USP54: variants seen among roughly 807,000 people sequenced by gnomAD.
USP54 encodes the protein ubiquitin carboxyl-terminal hydrolase 54.
A neutral mutation model predicts 170.5 loss-of-function variants in USP54; 87 were observed. The observed-to-expected ratio is 0.51, with a 90% CI of 0.43 to 0.61. The LOEUF (loss-of-function observed/expected upper bound fraction) is 0.61, where lower values mean the gene tolerates loss of function less well. Among genes scored for constraint, USP54 ranks in the 20% least tolerant of loss-of-function variants. USP54 has a pLI of 0.00. For missense variants in USP54, 1,786 were observed against 2,047.8 expected (o/e 0.87, Z 2.47); for synonymous variants, 655 against 742.8 (o/e 0.88, Z 1.92).
chr10:73,607,989 C>T (rs949913677), intron 1 of USP54, among the ~76,000 whole-genome samples: 2 of 152,126 alleles, frequency 1.3e-5, no homozygotes, highest in Admixed American at 6.6e-5. Flanking sequence ...TGGCCGGGCA[C>T]GGTGGCTCAT....
chr10:73,579,858 A>C (rs1010446752), intron 1 of USP54, among the ~76,000 whole-genome samples: 1 of 152,248 alleles, frequency 6.6e-6, no homozygotes, highest in South Asian at 2.1e-4. Context: ...ATGGTAAATA[A>C]GCACATGGAA....
chr10:73,502,734 CTTAAAT>C, intron 22 of USP54, among the ~76,000 whole-genome samples: 1 of 152,256 alleles, frequency 6.6e-6, no homozygotes. Context: ...GAAGAACCAC[CTTAAAT>C]CTGATGCTCT....
intron 1 of USP54, among the ~76,000 whole-genome samples, chr10:73,619,299 C>T (rs541534256): frequency 6.6e-6 from 1 of 150,422 alleles, no homozygotes; most frequent in East Asian, 1.9e-4. Flanking sequence ...GGAATCATGG[C>T]TCACTACAGC....
At chr10:73,541,903 C>A in intron 7 of USP54, 165 bp from the exon 8 acceptor site, 2 of 633,524 alleles carry the variant, frequency 3.2e-6, no homozygotes, top group Non-Finnish European at 5.5e-6. Context: ...AGTACCTCTA[C>A]CTGTCCCCAG....
intron 12 of USP54, among the ~76,000 whole-genome samples, chr10:73,532,398 A>G (rs920039467): frequency 6.6e-6 from 1 of 152,030 alleles, no homozygotes; most frequent in Non-Finnish European, 1.5e-5. Context: ...GATGGTCTCG[A>G]TCTCCTGACC....
rs960994342 is a variant in USP54, at chr10:73,589,461, A to G, written c.-582+1817T>C. On this transcript the variant is annotated intron_variant, in intron 1 of 23. Coordinates refer to ENST00000687698, the MANE Select transcript of USP54 (RefSeq NM_001391956.1). The stretch of plus-strand genomic sequence containing the variant: ...TTATTAGGCCCCTGGATAGCAAAAC[A>G]ATGAGTTCCAGAAAGTTACCCTATA... 2.0e-5 allele frequency among the ~76,000 whole-genome samples: 3 copies of G among 152,246 alleles called. No individual in the cohort carries two copies. In the East Asian group the frequency reaches 5.8e-4, roughly 29 times the overall value.
At chr10:73,560,906 C>G (rs2072782209) in intron 4 of USP54, among the ~76,000 whole-genome samples, 1 of 150,650 alleles carries the variant, frequency 6.6e-6, no homozygotes, top group Non-Finnish European at 1.5e-5. Context: ...AGTTCGAGAC[C>G]AGCCTGGCCA....
At position 73,519,821 on chromosome 10, in the gene USP54, G is replaced by A. The variant is rs1441338526; in HGVS notation, c.2654C>T (p.Ala885Val). 7 of 1,613,904 alleles carry A rather than the reference G, an allele frequency of 4.3e-6. No homozygotes were observed. The highest frequency in any genetic ancestry group is 1.6e-4 in the Middle Eastern group (1 of 6,066). The change falls in exon 19 of 24, where the codon GCG becomes GTG. Residue 885 changes from alanine (A) to valine (V), a missense_variant. Around this residue, in one of 3 missense-constraint regions of USP54, gnomAD observed 1,418 missense variants for 1,569.0 expected, o/e 0.90. Transcript: ENST00000687698. ...CCTTGTTGGCTGAGAGAGAGTCCCC[G>A]CCTGTGTTGGGAGGCAGGCTGAGGG... ...SQPSACLPTQ[A>V]GTLSQPTSEQ...
chr10:73,588,122 A>G (rs908659492), intron 1 of USP54, among the ~76,000 whole-genome samples: 1 of 152,226 alleles, frequency 6.6e-6, no homozygotes, highest in Non-Finnish European at 1.5e-5. Flanking sequence ...AGGAGATTAA[A>G]CTATAATTGA....
intron 1 of USP54, among the ~76,000 whole-genome samples, chr10:73,615,763 A>G (rs1275992295): frequency 6.7e-6 from 1 of 149,826 alleles, no homozygotes. Flanking sequence ...TCTATAAAAA[A>G]TACAAAAATT....
At chr10:73,541,874 G>A in intron 7 of USP54, 136 bp from the exon 8 acceptor site, 2 of 780,680 alleles carry the variant, frequency 2.6e-6, no homozygotes, top group East Asian at 2.7e-5. Context: ...ACCAGGCTCA[G>A]TGTCCCATAA....
In USP54 at chr10:73,499,280, C is replaced by G. The variant is rs891019808; in HGVS notation, c.4496-92G>C. ...ATGCCTAGCTGTGTAGCCCAATTCCCTACTCCTCCAAGAGCATACATACAA... is the reference window on the plus strand; with the variant it reads ...ATGCCTAGCTGTGTAGCCCAATTCCGTACTCCTCCAAGAGCATACATACAA... On this transcript the variant is annotated intron_variant, in intron 23 of 23. Coordinates refer to ENST00000687698, the MANE Select transcript of USP54 (RefSeq NM_001391956.1). 4 of 1,263,514 alleles carry G rather than the reference C, an allele frequency of 3.2e-6. No homozygotes were observed. In the South Asian group the frequency reaches 4.4e-5, roughly 14 times the overall value. 78.3% of individuals were successfully genotyped at this position (1,263,514 alleles called of 1,614,324 possible). A position where few individuals can be genotyped will look rare whatever the true frequency, so the allele number is the denominator to read the frequency against.
At chr10:73,605,226 G>A (rs2079527602) in intron 1 of USP54, among the ~76,000 whole-genome samples, 1 of 152,094 alleles carries the variant, frequency 6.6e-6, no homozygotes, top group South Asian at 2.1e-4. Context: ...CACCATGCCT[G>A]GCTAATTTTT....
intron 1 of USP54, among the ~76,000 whole-genome samples, chr10:73,608,362 G>A (rs574327870): frequency 1.3e-5 from 2 of 152,048 alleles, no homozygotes; most frequent in South Asian, 2.1e-4. Flanking sequence ...GAGTTTGACT[G>A]TTTTTAACAC....
At chr10:73,594,450 G>A (rs2078556525), upstream of USP54, among the ~76,000 whole-genome samples, 1 of 152,116 alleles carries the variant, frequency 6.6e-6, no homozygotes, top group Non-Finnish European at 1.5e-5. Flanking sequence ...CTGTTGCCCA[G>A]GCTGGATGCA....
rs2061175480 is a variant in USP54 at position 73,516,981 on chromosome 10, C to CTCA, written c.3444_3445insTGA (p.Thr1148_Gly1149insTer). Reference sequence around the variant, plus strand: ...CCTGACAAACTTCTATCCTTGAAACCTGTACTATCCCTCATGGAGACACCC... The same window carrying CTCA: ...CCTGACAAACTTCTATCCTTGAAACCTCATGTACTATCCCTCATGGAGACACCC... On this transcript the variant is annotated stop_gained and inframe_insertion, in exon 20 of 24. Transcript: ENST00000687698. LOFTEE classifies it high-confidence loss of function. The CTCA allele has an allele frequency of 6.2e-7, 1 of 1,614,088 alleles. No individual in the cohort carries two copies. Among genetic ancestry groups the CTCA allele is most frequent in the Non-Finnish European group, 8.5e-7 (1 of 1,180,048 alleles).
Position 73,516,483 on chromosome 10 carries a change from C to T in USP54, c.3943G>A (p.Glu1315Lys). 6.2e-7 allele frequency: 1 copy of T among 1,614,136 alleles called. No individual in the cohort carries two copies. Among genetic ancestry groups the T allele is most frequent in the African/African-American group, 1.3e-5 (1 of 75,024 alleles). The change falls in exon 20 of 24, where the codon GAG becomes AAG. Residue 1315 changes from glutamate (E) to lysine (K), a missense_variant. Coordinates refer to ENST00000687698, the MANE Select transcript of USP54 (RefSeq NM_001391956.1). ...HPHWNQDTEQ[E>K]TSELESLYQA... Reference sequence around the variant, plus strand: ...TACAGAGACTCCAATTCTGAGGTCTCCTGCTCTGTGTCTTGGTTCCAATGT... The same window carrying T: ...TACAGAGACTCCAATTCTGAGGTCTTCTGCTCTGTGTCTTGGTTCCAATGT...
intron 15 of USP54, 27 bp downstream of exon 15, chr10:73,529,653 T>C (rs746820268): frequency 6.2e-7 from 1 of 1,613,658 alleles, no homozygotes; most frequent in East Asian, 2.2e-5. Context: ...CAAGAGACAA[T>C]GTTGCTGTTC....
chr10:73,597,510 T>C (rs1277752292), intron 1 of USP54, among the ~76,000 whole-genome samples: 1 of 152,130 alleles, frequency 6.6e-6, no homozygotes, highest in East Asian at 1.9e-4. Flanking sequence ...TGACTCAGTG[T>C]AAAAGGACAG....
Sources: allele counts gnomAD v4.1 joint callset (sites outside exome capture counted in the v4.1 genomes callset), GRCh38; gene constraint gnomAD v4.1.1; regional missense constraint gnomAD v4.1.1; transcripts MANE v1.5; gene names NCBI Gene and HGNC (gene_info 2026-07-23, HGNC 2026-07-21).